The following GALNTL6 variants were observed in gnomAD, a reference collection of about 807,000 sequenced individuals.
The protein encoded by GALNTL6 is polypeptide N-acetylgalactosaminyltransferase-like 6.
In GALNTL6, 46 loss-of-function variants were observed where a neutral mutation model predicts 73.7. The ratio of observed to expected loss-of-function variants is 0.62; its 90% confidence interval spans 0.49 to 0.80. The LOEUF is 0.80. Among genes scored for constraint, GALNTL6 ranks in the 30% least tolerant of loss-of-function variants. GALNTL6 has a pLI of 0.00. For missense variants in GALNTL6, 604 were observed against 755.0 expected, an observed-to-expected ratio of 0.80 and a Z score of 2.34; for synonymous variants, 259 against 263.7, an observed-to-expected ratio of 0.98 and a Z score of 0.17.
chr4:171,945,459 CA>C (rs1317774688), intron 2 of GALNTL6, among the ~76,000 whole-genome samples: 1 of 152,048 alleles, frequency 6.6e-6, no homozygotes, highest in Non-Finnish European at 1.5e-5. Flanking sequence ...GTGAAATACA[CA>C]CATTTGTCAT....
At chr4:171,886,702 C>A (rs189707383) in intron 2 of GALNTL6, among the ~76,000 whole-genome samples, 237 of 152,216 alleles carry the variant, frequency 1.6e-3, no homozygotes, top group African/African-American at 5.4e-3. Flanking sequence ...AAACTCCAGT[C>A]AAGGAAGTTT....
intron 5 of GALNTL6, among the ~76,000 whole-genome samples, chr4:172,374,783 A>G (rs1206466661): frequency 1.3e-5 from 2 of 152,156 alleles, no homozygotes; most frequent in East Asian, 1.9e-4. Flanking sequence ...AGCTGCAGCT[A>G]AAGCTGCATT....
At chr4:172,792,671 C>CA (rs1553989479) in intron 5 of GALNTL6, among the ~76,000 whole-genome samples, 1 of 135,702 alleles carries the variant, frequency 7.4e-6, no homozygotes. Context: ...CATAGTTTAG[C>CA]TTTTTTTTTT....
intron 5 of GALNTL6, among the ~76,000 whole-genome samples, chr4:172,518,729 T>G (rs1394935278): frequency 6.6e-6 from 1 of 151,960 alleles, no homozygotes; most frequent in East Asian, 1.9e-4. Context: ...GAAAGTGACC[T>G]AAATATGCAT....
In GALNTL6 at chr4:171,980,917, C is replaced by A. The variant is rs139701646; in HGVS notation, c.138+166199C>A. ...GTATATTTTAAAAAGTAGTATTTTG[C>A]AGAGAATCTTTAGAATGGCCAACTA... On this transcript the variant is annotated intron_variant, in intron 2 of 12. Coordinates refer to ENST00000506823, the MANE Select transcript of GALNTL6 (RefSeq NM_001034845.3). Among the ~76,000 whole-genome samples, 295 of 152,258 alleles carry A rather than the reference C, an allele frequency of 1.9e-3. 1 individual carries two copies. The highest frequency in any genetic ancestry group is 6.9e-3 in the African/African-American group (287 of 41,542).
chr4:172,184,943 T>C (rs766209635), intron 2 of GALNTL6, among the ~76,000 whole-genome samples: 1 of 152,182 alleles, frequency 6.6e-6, no homozygotes, highest in Non-Finnish European at 1.5e-5. Flanking sequence ...CCTAATCACC[T>C]CATATTTGAC....
chr4:172,629,072 T>C (rs1431196859), intron 5 of GALNTL6, among the ~76,000 whole-genome samples: 1 of 152,134 alleles, frequency 6.6e-6, no homozygotes, highest in East Asian at 1.9e-4. Flanking sequence ...CATCCACTCT[T>C]CCAAAAAATC....
chr4:172,929,020 GC>G (rs1343075380), intron 8 of GALNTL6, among the ~76,000 whole-genome samples: 1 of 152,074 alleles, frequency 6.6e-6, no homozygotes, highest in Non-Finnish European at 1.5e-5. Context: ...GTTTATTGTT[GC>G]CTTTTTATGT....
chr4:172,579,802 G>C (rs1463453227), intron 5 of GALNTL6, among the ~76,000 whole-genome samples: 1 of 136,570 alleles, frequency 7.3e-6, no homozygotes, highest in African/African-American at 2.7e-5. Context: ...AGGAAGGAGG[G>C]AAGGAAGGAG....
intron 2 of GALNTL6, among the ~76,000 whole-genome samples, chr4:172,031,600 A>G (rs1741773394): frequency 1.3e-5 from 2 of 152,102 alleles, no homozygotes; most frequent in Non-Finnish European, 1.5e-5. Context: ...TATTAAAGAA[A>G]CATTATTTCT....
chr4:172,168,229 T>C (rs1163575206), intron 2 of GALNTL6, among the ~76,000 whole-genome samples: 1 of 152,166 alleles, frequency 6.6e-6, no homozygotes, highest in Non-Finnish European at 1.5e-5. Flanking sequence ...TTAAAAAGAC[T>C]AAAAGCTCCA....
intron 9 of GALNTL6, among the ~76,000 whole-genome samples, chr4:172,937,078 G>C (rs1337910336): frequency 6.6e-6 from 1 of 151,918 alleles, no homozygotes; most frequent in Non-Finnish European, 1.5e-5. Flanking sequence ...CGGAGGGTGT[G>C]CGTAGGACCT....
At chr4:172,322,545 T>C (rs1740797439) in intron 4 of GALNTL6, among the ~76,000 whole-genome samples, 1 of 152,120 alleles carries the variant, frequency 6.6e-6, no homozygotes, top group African/African-American at 2.4e-5. Context: ...CTGCAGGCTG[T>C]ACAGGAAGCA....
intron 2 of GALNTL6, among the ~76,000 whole-genome samples, chr4:171,991,595 A>C (rs1740335439): frequency 6.6e-6 from 1 of 151,752 alleles, no homozygotes; most frequent in Admixed American, 6.6e-5. Context: ...GTGGATTATC[A>C]CTTCAAAGCC....
chr4:172,689,362 C>A (rs922362971), intron 5 of GALNTL6, among the ~76,000 whole-genome samples: 1 of 152,170 alleles, frequency 6.6e-6, no homozygotes, highest in African/African-American at 2.4e-5. Context: ...ACTTTCTCCA[C>A]ATCAATAAAA....
intron 5 of GALNTL6, among the ~76,000 whole-genome samples, chr4:172,762,233 C>T (rs1738152134): frequency 6.6e-6 from 1 of 152,162 alleles, no homozygotes. Flanking sequence ...TCTGCTCATT[C>T]AACTGCAGAG....
At chr4:172,697,746 T>A (rs905737518) in intron 5 of GALNTL6, among the ~76,000 whole-genome samples, 1 of 152,180 alleles carries the variant, frequency 6.6e-6, no homozygotes, top group African/African-American at 2.4e-5. Flanking sequence ...ATATATCATA[T>A]TATTAAAACT....
At chr4:172,119,380 A>C (rs149694907) in intron 2 of GALNTL6, among the ~76,000 whole-genome samples, 41 of 152,268 alleles carry the variant, frequency 2.7e-4, no homozygotes, top group African/African-American at 9.6e-4. Context: ...TTATTTGGTT[A>C]TTATCAACTT....
chr4:172,050,044 A>T (rs936942249), intron 2 of GALNTL6, among the ~76,000 whole-genome samples: 5 of 152,040 alleles, frequency 3.3e-5, no homozygotes, highest in African/African-American at 1.2e-4. Context: ...GTAAATTCTC[A>T]GTCAAATATA....
Sources: allele counts gnomAD v4.1 joint callset (sites outside exome capture counted in the v4.1 genomes callset), GRCh38; gene constraint gnomAD v4.1.1; transcripts MANE v1.5; gene names NCBI Gene and HGNC (gene_info 2026-07-23, HGNC 2026-07-21).